The following GANC variants were observed in gnomAD, a reference collection of about 807,000 sequenced individuals.
GANC encodes glucosidase alpha, neutral C, also known as neutral alpha-glucosidase C.
A neutral mutation model predicts 124.2 loss-of-function variants in GANC; 117 were observed. The observed-to-expected ratio is 0.94, with a 90% CI of 0.81 to 1.10. The LOEUF (loss-of-function observed/expected upper bound fraction) is 1.10, where lower values mean the gene tolerates loss of function less well. Ranked by LOEUF, GANC falls within the 50% of genes least tolerant of loss-of-function variation. The probability of loss-of-function intolerance (pLI) is 0.00; values close to 1 mark genes in which losing one functional copy is unlikely to be tolerated. For missense variants in GANC, 1,140 were observed against 1,095.0 expected (o/e 1.04, Z -0.58); for synonymous variants, 377 against 376.8 (o/e 1.00, Z -0.01).
At chr15:42,285,610 C>T (rs953726830) in intron 3 of GANC, among the ~76,000 whole-genome samples, 6 of 152,046 alleles carry the variant, frequency 3.9e-5, no homozygotes, top group South Asian at 2.1e-4. Context: ...GCCTGGTCAA[C>T]ATGGTGAAAC....
At chr15:42,325,061 C>T (rs373211458) in intron 11 of GANC, among the ~76,000 whole-genome samples, 15 of 151,096 alleles carry the variant, frequency 9.9e-5, no homozygotes, top group African/African-American at 2.7e-4. Flanking sequence ...GTCAGGAGTT[C>T]GAGATCAGCC....
At chr15:42,342,550 C>T (rs1465429688) in intron 18 of GANC, among the ~76,000 whole-genome samples, 1 of 151,954 alleles carries the variant, frequency 6.6e-6, no homozygotes, top group Non-Finnish European at 1.5e-5. Context: ...CTGCTGCACT[C>T]CCACTTGGGG....
rs2052447208 is a variant in GANC at position 42,352,049 on chromosome 15, G to C, written c.2655G>C (p.Val885=). The change falls in exon 24 of 24, where the codon GTG becomes GTC. Residue 885 remains valine (V), a synonymous_variant. Transcript: ENST00000318010. ...THSSDGKDQP[V]AFTYCAKTSI... is the part of the protein sequence containing the mutation. ...ATTTAGATGGTAAAGATCAGCCTGT[G>C]GCTTTTACGTATTGTGCCAAAACAT... 6.2e-7 allele frequency: 1 copy of C among 1,613,972 alleles called. No individual in the cohort carries two copies. Among genetic ancestry groups the C allele is most frequent in the African/African-American group, 1.3e-5 (1 of 74,904 alleles).
chr15:42,325,323 T>C (rs2918459), intron 11 of GANC, among the ~76,000 whole-genome samples: 113,422 of 152,030 alleles, frequency 0.75, 44,105 homozygotes, highest in Non-Finnish European at 0.87. Flanking sequence ...CAATGAAGAA[T>C]TAAACTTTAA....
intron 3 of GANC, chr15:42,281,085 C>A: frequency 1.4e-6 from 1 of 702,572 alleles, no homozygotes; most frequent in South Asian, 1.5e-5. Flanking sequence ...CAACGTAGCT[C>A]CCAAGACTGA....
At position 42,284,111 on chromosome 15, in the gene GANC, A is replaced by G. The variant is rs953390866; in HGVS notation, c.202-3580A>G. The stretch of plus-strand genomic sequence containing the variant: ...GTTAACAGTTCTTTACATAACAGTG[A>G]AGAGTCCTGGTGCCTCAGGAAAAGC... On this transcript the variant is annotated intron_variant, in intron 3 of 23. Transcript: ENST00000318010. The G allele has an allele frequency of 3.9e-5, 25 of 639,384 alleles. No homozygotes were observed. The South Asian group carries it at 4.1e-4, about 11-fold the overall frequency. 39.6% of individuals were successfully genotyped at this position (639,384 alleles called of 1,614,324 possible).
intron 13 of GANC, among the ~76,000 whole-genome samples, chr15:42,327,808 T>G (rs2052209884): frequency 6.6e-6 from 1 of 152,226 alleles, no homozygotes; most frequent in African/African-American, 2.4e-5. Flanking sequence ...AACGTATTTG[T>G]CATTAAAAGT....
intron 2 of GANC, 124 bp from the exon 3 acceptor site, chr15:42,278,358 G>A: frequency 3.2e-6 from 2 of 622,216 alleles, no homozygotes; most frequent in Non-Finnish European, 5.7e-6. Flanking sequence ...TACTAATACT[G>A]TTTGTGCCCT....
chr15:42,286,437 ATACATAATC>A (rs2051789333), intron 3 of GANC, among the ~76,000 whole-genome samples: 1 of 152,236 alleles, frequency 6.6e-6, no homozygotes, highest in Admixed American at 6.5e-5. Flanking sequence ...TAGTGAGAAA[ATACATAATC>A]TAACAGAATT....
intron 6 of GANC, among the ~76,000 whole-genome samples, chr15:42,298,698 A>G (rs1238377977): frequency 1.3e-5 from 2 of 152,212 alleles, no homozygotes; most frequent in African/African-American, 4.8e-5. Context: ...ATCCATGAGG[A>G]TGGAATGTTT....
rs140742049 is a variant in GANC, at chr15:42,293,031, C to G, written c.512+114C>G. 608 of 979,606 alleles carry G rather than the reference C, an allele frequency of 6.2e-4. 3 individuals carry two copies. The Admixed American group carries it at 6.7e-3, about 11-fold the overall frequency. 60.7% of individuals were successfully genotyped at this position (979,606 alleles called of 1,614,324 possible). On this transcript the variant is annotated intron_variant, in intron 5 of 23. Transcript: ENST00000318010. ...AGAAAATTGGTTTGCCTTATTTGCTCTAGTATTGTTCTGAGAAATTTTACC... is the reference window on the plus strand; with the variant it reads ...AGAAAATTGGTTTGCCTTATTTGCTGTAGTATTGTTCTGAGAAATTTTACC...
At chr15:42,316,629 C>T (rs568835786) in intron 10 of GANC, among the ~76,000 whole-genome samples, 1 of 152,178 alleles carries the variant, frequency 6.6e-6, no homozygotes, top group Non-Finnish European at 1.5e-5. Context: ...AGGAACGTGA[C>T]CATTGAAGCA....
chr15:42,283,054 C>A (rs575244593), intron 3 of GANC, among the ~76,000 whole-genome samples: 1 of 152,312 alleles, frequency 6.6e-6, no homozygotes, highest in South Asian at 2.1e-4. Context: ...TGAATACCAT[C>A]ATATTGTGGG....
chr15:42,313,184 C>G (rs1385538718), intron 10 of GANC, among the ~76,000 whole-genome samples: 1 of 151,988 alleles, frequency 6.6e-6, no homozygotes, highest in Non-Finnish European at 1.5e-5. Context: ...TATCTACTTG[C>G]AAAAGAATGA....
intron 5 of GANC, among the ~76,000 whole-genome samples, chr15:42,294,258 T>A (rs901084723): frequency 1.3e-5 from 2 of 151,374 alleles, no homozygotes; most frequent in Non-Finnish European, 2.9e-5. Flanking sequence ...GTCCTCTAGC[T>A]GCCCACTTTC....
intron 10 of GANC, among the ~76,000 whole-genome samples, chr15:42,316,608 G>T (rs2052105815): frequency 6.6e-6 from 1 of 152,212 alleles, no homozygotes; most frequent in Non-Finnish European, 1.5e-5. Flanking sequence ...AGAGAAACAT[G>T]AAAGTGGACA....
intron 10 of GANC, among the ~76,000 whole-genome samples, chr15:42,317,764 C>T (rs936174167): frequency 6.6e-6 from 1 of 152,164 alleles, no homozygotes; most frequent in Non-Finnish European, 1.5e-5. Flanking sequence ...GGAGGAATGA[C>T]AATTTATGGA....
At chr15:42,319,391 C>T (rs1274119697) in intron 10 of GANC, among the ~76,000 whole-genome samples, 2 of 152,062 alleles carry the variant, frequency 1.3e-5, no homozygotes, top group African/African-American at 4.8e-5. Context: ...GTTGCCCAGG[C>T]TGGAGTGCAG....
At chr15:42,347,975 C>A in intron 20 of GANC, 128 bp from the exon 21 acceptor site, 1 of 552,620 alleles carries the variant, frequency 1.8e-6, no homozygotes, top group Non-Finnish European at 3.0e-6. Context: ...CTCTGTGCCC[C>A]AAAATTTATT....
Sources: gnomAD v4.1 joint callset for allele counts (sites outside exome capture counted in the v4.1 genomes callset) on GRCh38, gnomAD v4.1.1 for gene constraint, MANE v1.5 for transcripts, NCBI Gene and HGNC (gene_info 2026-07-23, HGNC 2026-07-21) for gene names.